The following LPP variants were observed in gnomAD, a reference collection of about 807,000 sequenced individuals.
LPP encodes lipoma-preferred partner.
Under a neutral mutation model 60.4 loss-of-function variants are expected in LPP, and 38 were observed. The ratio of observed to expected loss-of-function variants is 0.63; its 90% CI spans 0.49 to 0.83. The LOEUF (loss-of-function observed/expected upper bound fraction) is 0.83, where lower values mean the gene tolerates loss of function less well. Ranked by LOEUF, LPP falls within the 40% of genes least tolerant of loss-of-function variation. The pLI, the probability that LPP is intolerant of heterozygous loss-of-function variation, is 0.00. For synonymous variants in LPP, 328 were observed against 290.8 expected, an observed-to-expected ratio of 1.13 and a Z score of -1.30; for missense variants, 902 against 783.6, an observed-to-expected ratio of 1.15 and a Z score of -1.80.
intron 2 of LPP, among the ~76,000 whole-genome samples, chr3:188,244,865 A>G (rs1037201143): frequency 1.3e-5 from 2 of 152,180 alleles, no homozygotes; most frequent in Non-Finnish European, 2.9e-5. Flanking sequence ...CAGCATGTAC[A>G]TCGGTATCTG....
intron 2 of LPP, among the ~76,000 whole-genome samples, chr3:188,227,185 AT>A (rs1718103456): frequency 6.6e-6 from 1 of 151,412 alleles, no homozygotes; most frequent in Non-Finnish European, 1.5e-5. Flanking sequence ...TTTATTTTTT[AT>A]TTATTTATTA....
At chr3:188,154,278 C>T (rs1255334069) in intron 1 of LPP, among the ~76,000 whole-genome samples, 26 bp downstream of exon 1, 1 of 152,070 alleles carries the variant, frequency 6.6e-6, no homozygotes, top group Non-Finnish European at 1.5e-5. Context: ...CTTCCTTCCC[C>T]TCACCCTCCA....
Position 188,547,959 on chromosome 3 carries a change from G to A in LPP, c.429+23172G>A, listed in dbSNP as rs140969770. Among the ~76,000 whole-genome samples the A allele has an allele frequency of 1.1e-3, 163 of 152,262 alleles. 1 individual carries two copies. Among genetic ancestry groups the A allele is most frequent in the Non-Finnish European group, 3.5e-4 (24 of 68,020 alleles). ...CTAGTGTTGTGAAAACCACTCAACT[G>A]CAGTGTGCTTATTACCTATGTCTAA... On this transcript the variant is annotated intron_variant, in intron 6 of 11. Coordinates refer to ENST00000617246, the MANE Select transcript of LPP (RefSeq NM_001375462.1).
intron 7 of LPP, among the ~76,000 whole-genome samples, chr3:188,679,567 G>GCA (rs1179997213): frequency 2.0e-5 from 3 of 150,416 alleles, no homozygotes; most frequent in Admixed American, 6.6e-5. Flanking sequence ...GTGTGTGCGC[G>GCA]CGCGCATGTT....
At chr3:188,436,709 T>C (rs779328037) in intron 4 of LPP, among the ~76,000 whole-genome samples, 1 of 152,146 alleles carries the variant, frequency 6.6e-6, no homozygotes, top group African/African-American at 2.4e-5. Flanking sequence ...ATTAGGTGTA[T>C]AGTGGTAGGC....
intron 4 of LPP, among the ~76,000 whole-genome samples, chr3:188,442,240 G>A (rs926368981): frequency 4.6e-5 from 7 of 152,000 alleles, no homozygotes; most frequent in Non-Finnish European, 7.4e-5. Context: ...CGTCATTTAC[G>A]TTAGGTATTT....
At chr3:188,479,477 G>C (rs1366270811) in intron 4 of LPP, among the ~76,000 whole-genome samples, 1 of 152,234 alleles carries the variant, frequency 6.6e-6, no homozygotes, top group Admixed American at 6.5e-5. Context: ...TGAGATGTAC[G>C]AGTCAAAGAC....
intron 6 of LPP, among the ~76,000 whole-genome samples, chr3:188,561,718 C>G (rs1172645525): frequency 6.6e-6 from 1 of 151,948 alleles, no homozygotes; most frequent in Non-Finnish European, 1.5e-5. Flanking sequence ...TTAAATTACT[C>G]TGCTTCATTT....
chr3:188,711,828 G>C (rs548302848), intron 8 of LPP: 1 of 152,154 alleles, frequency 6.6e-6, no homozygotes, highest in South Asian at 2.1e-4. Context: ...TTCAGAAAAA[G>C]GAAAGAGAAA....
At chr3:188,491,364 G>T (rs1338626838) in intron 5 of LPP, among the ~76,000 whole-genome samples, 1 of 152,154 alleles carries the variant, frequency 6.6e-6, no homozygotes, top group Non-Finnish European at 1.5e-5. Context: ...AAAACAACAT[G>T]GTCAGCAAGA....
chr3:188,223,511 C>G (rs906859229), intron 1 of LPP, among the ~76,000 whole-genome samples: 5 of 152,186 alleles, frequency 3.3e-5, no homozygotes, highest in Middle Eastern at 3.2e-3. Context: ...TTTAGCAAAG[C>G]TGCTTGTTCT....
chr3:188,663,469 C>G (rs1463039782), intron 7 of LPP, among the ~76,000 whole-genome samples: 1 of 152,168 alleles, frequency 6.6e-6, no homozygotes, highest in Non-Finnish European at 1.5e-5. Context: ...CAAGTTTTTA[C>G]TTTTCTTTTC....
At chr3:188,532,084 G>GA (rs944232830) in intron 6 of LPP, among the ~76,000 whole-genome samples, 1 of 152,014 alleles carries the variant, frequency 6.6e-6, no homozygotes, top group African/African-American at 2.4e-5. Flanking sequence ...GTTGATGTAT[G>GA]AAAAAAACCC....
chr3:188,537,190 G>A (rs557838363), intron 6 of LPP, among the ~76,000 whole-genome samples: 3 of 152,290 alleles, frequency 2.0e-5, no homozygotes, highest in Admixed American at 1.3e-4. Flanking sequence ...TCCCAACCAG[G>A]AAGGAAGGAA....
intron 1 of LPP, among the ~76,000 whole-genome samples, chr3:188,221,100 C>T (rs937070691): frequency 7.2e-5 from 11 of 152,174 alleles, no homozygotes; most frequent in Non-Finnish European, 1.0e-4. Context: ...CCTTTCCAGG[C>T]GTGTGTCCCA....
chr3:188,780,016 G>A (rs1391381609), intron 9 of LPP, among the ~76,000 whole-genome samples: 2 of 152,096 alleles, frequency 1.3e-5, no homozygotes, highest in African/African-American at 4.8e-5. Flanking sequence ...CAAGAACATA[G>A]AGCTGGTTGG....
intron 9 of LPP, among the ~76,000 whole-genome samples, chr3:188,788,530 G>A (rs960909334): frequency 1.3e-5 from 2 of 152,152 alleles, no homozygotes; most frequent in Non-Finnish European, 2.9e-5. Context: ...GCATTTAGAA[G>A]ACTGTATTTA....
In LPP at chr3:188,610,896, A is replaced by G. The variant is rs1404482448; in HGVS notation, c.1113+1052A>G. On this transcript the variant is annotated intron_variant, in intron 7 of 11. Transcript: ENST00000617246. The surrounding 1 kb of genome is among the most constrained non-coding windows in gnomAD (Gnocchi z 4.4). ...AACTGTGAGAAATCAGAAATTTGAG[A>G]GCCCTCAATTAGCTAGAAGTTCAAT... Among the ~76,000 whole-genome samples the G allele has an allele frequency of 1.3e-5, 2 of 152,202 alleles. No individual in the cohort carries two copies. The highest frequency in any genetic ancestry group is 1.3e-4 in the Admixed American group (2 of 15,278).
chr3:188,651,419 A>G (rs1010551667), intron 7 of LPP, among the ~76,000 whole-genome samples: 3 of 152,232 alleles, frequency 2.0e-5, no homozygotes, highest in African/African-American at 7.2e-5. Flanking sequence ...TATGTTTGAA[A>G]GCATGAACTC....
Sources: allele counts gnomAD v4.1 joint callset (sites outside exome capture counted in the v4.1 genomes callset), GRCh38; gene constraint gnomAD v4.1.1; non-coding constraint Gnocchi (gnomAD v3.1); transcripts MANE v1.5; gene names NCBI Gene and HGNC (gene_info 2026-07-23, HGNC 2026-07-21).